ACAD10: variants seen among roughly 807,000 people sequenced by gnomAD.
The protein encoded by ACAD10 is acyl-CoA dehydrogenase family member 10.
Under a neutral mutation model 116.8 loss-of-function variants are expected in ACAD10, and 112 were observed. The observed-to-expected ratio is 0.96, with a 90% CI of 0.82 to 1.12. ACAD10 has a LOEUF of 1.12. Among genes scored for constraint, ACAD10 ranks in the 50% most tolerant of loss-of-function variants. ACAD10 has a pLI of 0.00. For missense variants in ACAD10, 1,259 were observed against 1,350.2 expected, an observed-to-expected ratio of 0.93 and a Z score of 1.06; for synonymous variants, 486 against 510.6, an observed-to-expected ratio of 0.95 and a Z score of 0.65.
chr12:111,699,975 A>G (rs1385938561), intron 2 of ACAD10, among the ~76,000 whole-genome samples: 1 of 152,078 alleles, frequency 6.6e-6, no homozygotes, highest in African/African-American at 2.4e-5. Flanking sequence ...CTCAGTCACA[A>G]CTATTCACTT....
In ACAD10 at chr12:111,746,257, C is replaced by T. The variant is rs376295257; in HGVS notation, c.2229C>T (p.Leu743=). ...TGGAATATGCACATCTGTGTGAGCTCATGGGCACGTCCCTGTATGCCCCCG... is the reference window on the plus strand; with the variant it reads ...TGGAATATGCACATCTGTGTGAGCTTATGGGCACGTCCCTGTATGCCCCCG... The part of the protein sequence containing the change: ...TNVEYAHLCE[L]MGTSLYAPEV... Residue 743 remains leucine (L), a synonymous_variant, in exon 14 of 21, where the codon CTC becomes CTT. Coordinates refer to ENST00000313698, the MANE Select transcript of ACAD10 (RefSeq NM_025247.6). 1 of 1,613,608 alleles carries T rather than the reference C, an allele frequency of 6.2e-7. No homozygotes were observed. The highest frequency in any genetic ancestry group is 8.5e-7 in the Non-Finnish European group (1 of 1,179,852).
chr12:111,744,486 G>A, intron 12 of ACAD10, 157 bp from the exon 13 acceptor site: 1 of 853,186 alleles, frequency 1.2e-6, no homozygotes. Context: ...TTGCTTTGGG[G>A]ATTCAGTGAG....
intron 4 of ACAD10, among the ~76,000 whole-genome samples, chr12:111,706,756 ATTTT>A (rs201869536): frequency 6.6e-5 from 8 of 121,870 alleles, no homozygotes; most frequent in African/African-American, 2.3e-4. Flanking sequence ...TGGCCTATTT[ATTTT>A]TTTATATATA....
intron 11 of ACAD10, among the ~76,000 whole-genome samples, chr12:111,736,218 G>T (rs1593045953): frequency 8.9e-6 from 1 of 112,186 alleles, no homozygotes; most frequent in East Asian, 2.9e-4. Flanking sequence ...ATGGAGTCTT[G>T]CTCTGTCACC....
intron 3 of ACAD10, 45 bp downstream of exon 3, chr12:111,702,355 T>A (rs994583634): frequency 6.2e-7 from 1 of 1,601,704 alleles, no homozygotes; most frequent in Admixed American, 1.7e-5. Flanking sequence ...TCTTTTTGCC[T>A]TGAGTAGTGG....
chr12:111,725,399 A>G (rs1256313280), intron 8 of ACAD10, among the ~76,000 whole-genome samples: 1 of 152,034 alleles, frequency 6.6e-6, no homozygotes, highest in Non-Finnish European at 1.5e-5. Flanking sequence ...AGTCCTACCT[A>G]CTTACCCGGA....
chr12:111,686,475 G>T (rs1887856106), intron 1 of ACAD10: 1 of 152,644 alleles, frequency 6.6e-6, no homozygotes, highest in Middle Eastern at 3.1e-3. Context: ...TCCCAGCCCA[G>T]AGGCTTAGGC....
In ACAD10 at chr12:111,709,636, T is replaced by C; in HGVS notation, c.642T>C (p.Leu214=). 1.2e-6 allele frequency: 2 copies of C among 1,613,978 alleles called. No individual in the cohort carries two copies. The highest frequency in any genetic ancestry group is 1.7e-6 in the Non-Finnish European group (2 of 1,179,972). ...CTGAGTCCATCTTTCTTGATGACCT[T>C]GGAACAAATCTAAAAGAAGCTGCCA... ...QPSESIFLDD[L]GTNLKEAARL... The change falls in exon 5 of 21, where the codon CTT becomes CTC. Residue 214 remains leucine (L), a synonymous_variant. Coordinates refer to ENST00000313698, the MANE Select transcript of ACAD10 (RefSeq NM_025247.6).
chr12:111,744,949 T>C lies in ACAD10; in HGVS notation c.2021T>C (p.Met674Thr), dbSNP rs1889849414. 1 of 1,614,158 alleles carries C rather than the reference T, an allele frequency of 6.2e-7. No individual in the cohort carries two copies. The highest frequency in any genetic ancestry group is 8.5e-7 in the Non-Finnish European group (1 of 1,180,036). ...CTGTATCACCGGCTGAAGCACTTCATGGAGCAACGTGTGTACCCTGCAGAG... is the reference window on the plus strand; with the variant it reads ...CTGTATCACCGGCTGAAGCACTTCACGGAGCAACGTGTGTACCCTGCAGAG... ...RELYHRLKHF[M>T]EQRVYPAEPE... The change falls in exon 13 of 21, where the codon ATG (methionine) becomes ACG (threonine). Residue 674 changes from methionine (M) to threonine (T), a missense_variant. Coordinates refer to ENST00000313698, the MANE Select transcript of ACAD10 (RefSeq NM_025247.6).
chr12:111,729,666 C>T (rs550562689), intron 9 of ACAD10, 140 bp from the exon 10 acceptor site: 5 of 1,003,934 alleles, frequency 5.0e-6, no homozygotes, highest in African/African-American at 4.9e-5. Context: ...GGGAAATTCT[C>T]CAGTCATAGG....
chr12:111,746,042 G>T (rs904409405), intron 13 of ACAD10, 102 bp from the exon 14 acceptor site: 2 of 1,474,090 alleles, frequency 1.4e-6, no homozygotes, highest in Non-Finnish European at 1.8e-6. Flanking sequence ...TGCATGTTTG[G>T]TTGTCTGCCT....
chr12:111,734,126 A>T, intron 11 of ACAD10, 58 bp downstream of exon 11: 1 of 1,609,410 alleles, frequency 6.2e-7, no homozygotes, highest in Non-Finnish European at 8.5e-7. Flanking sequence ...AGCATTTGGG[A>T]GCAAACTCAG....
intron 2 of ACAD10, among the ~76,000 whole-genome samples, chr12:111,696,549 T>C (rs989126914): frequency 2.0e-5 from 3 of 152,176 alleles, no homozygotes; most frequent in African/African-American, 7.2e-5. Context: ...CATGACTGCT[T>C]TTACCCTGTA....
Position 111,728,139 on chromosome 12 carries a change from G to C in ACAD10, c.1239G>C (p.Lys413Asn), listed in dbSNP as rs1889278519. ...CTGTGGGACTTGAAGACTATGGGAA[G>C]CAAGGTGAGCAGGAGGCCACGTCTC... ...LQAVGLEDYGKQGDYIPRQVR... is the reference protein window; with the variant it reads ...LQAVGLEDYGNQGDYIPRQVR... The change falls in exon 9 of 21, where the codon AAG becomes AAC. Residue 413 changes from lysine to asparagine, a missense_variant. Coordinates refer to ENST00000313698, the MANE Select transcript of ACAD10 (RefSeq NM_025247.6). 1 of 1,600,304 alleles carries C rather than the reference G, an allele frequency of 6.2e-7. No individual in the cohort carries two copies. The highest frequency in any genetic ancestry group is 8.5e-7 in the Non-Finnish European group (1 of 1,172,868).
chr12:111,747,976 C>G (rs749292920), intron 16 of ACAD10, among the ~76,000 whole-genome samples: 1 of 152,122 alleles, frequency 6.6e-6, no homozygotes, highest in Admixed American at 6.6e-5. Flanking sequence ...TTCCAAGGCC[C>G]GGGCCCAGAG....
chr12:111,694,748 G>T (rs1888147654), intron 2 of ACAD10, among the ~76,000 whole-genome samples: 1 of 152,148 alleles, frequency 6.6e-6, no homozygotes, highest in Non-Finnish European at 1.5e-5. Flanking sequence ...TCGTGCTTCT[G>T]CGCTTAGCAG....
chr12:111,739,888 T>C (rs1364083479), intron 12 of ACAD10, among the ~76,000 whole-genome samples: 1 of 152,216 alleles, frequency 6.6e-6, no homozygotes. Context: ...CACTGAAACT[T>C]GAATTCTGAG....
chr12:111,705,081 AT>A (rs1415566701), intron 3 of ACAD10, among the ~76,000 whole-genome samples: 1 of 152,196 alleles, frequency 6.6e-6, no homozygotes, highest in Non-Finnish European at 1.5e-5. Context: ...CTGAGGCAAT[AT>A]AAAAAGCATT....
intron 4 of ACAD10, among the ~76,000 whole-genome samples, chr12:111,706,983 G>A (rs1271238521): frequency 6.7e-6 from 1 of 150,240 alleles, no homozygotes; most frequent in Non-Finnish European, 1.5e-5. Flanking sequence ...TCACCATGTT[G>A]GCCAGGCTAG....
Sources: allele counts gnomAD v4.1 joint callset (sites outside exome capture counted in the v4.1 genomes callset), GRCh38; gene constraint gnomAD v4.1.1; transcripts MANE v1.5; gene names NCBI Gene and HGNC (gene_info 2026-07-23, HGNC 2026-07-21).